Variants in PRDM16 observed in about 807,000 individuals in gnomAD.
The protein encoded by PRDM16 is PR/SET domain 16.
PRDM16 carries 23 observed loss-of-function variants against 110.6 expected under a neutral mutation model. The ratio of observed to expected loss-of-function variants is 0.21; its 90% confidence interval spans 0.15 to 0.29. The LOEUF (loss-of-function observed/expected upper bound fraction) is 0.29, where lower values mean the gene tolerates loss of function less well. PRDM16 is among the 10% of genes least tolerant of loss of function. The pLI is 1.00. For synonymous variants in PRDM16, 799 were observed against 781.8 expected (o/e 1.02, Z -0.37); for missense variants, 1,615 against 1,794.3 (o/e 0.90, Z 1.81).
At chr1:3,326,501 G>A (rs1641912653) in intron 3 of PRDM16, among the ~76,000 whole-genome samples, 1 of 152,184 alleles carries the variant, frequency 6.6e-6, no homozygotes. Context: ...GCCAGACTTG[G>A]TGGGAGCTGA....
chr1:3,406,598 C>T (rs1189247186), intron 8 of PRDM16, among the ~76,000 whole-genome samples: 2 of 151,894 alleles, frequency 1.3e-5, no homozygotes, highest in East Asian at 3.9e-4. Flanking sequence ...TTTAATTAGC[C>T]AACCACGGTA....
At chr1:3,154,444 T>G (rs1643828682) in intron 1 of PRDM16, among the ~76,000 whole-genome samples, 1 of 152,170 alleles carries the variant, frequency 6.6e-6, no homozygotes, top group Non-Finnish European at 1.5e-5. Context: ...GGAGGCGTTG[T>G]CAGGACGGCC....
At chr1:3,433,530 C>CCTGTG (rs1638826765) in intron 16 of PRDM16, 147 bp from the exon 17 acceptor site, 3 of 565,764 alleles carry the variant, frequency 5.3e-6, no homozygotes, top group East Asian at 3.5e-5. Context: ...ACCTGCCTGT[C>CCTGTG]TGGGATGGCC....
chr1:3,368,683 C>G (rs1050287409), intron 3 of PRDM16, among the ~76,000 whole-genome samples: 1 of 152,216 alleles, frequency 6.6e-6, no homozygotes, highest in African/African-American at 2.4e-5. Context: ...GCTTTAAATT[C>G]AGCAGGATTT....
In PRDM16 at chr1:3,156,549, C is replaced by T. The variant is rs1643861941; in HGVS notation, c.38-29576C>T. On this transcript the variant is annotated intron_variant, in intron 1 of 16. Coordinates refer to ENST00000270722, the MANE Select transcript of PRDM16 (RefSeq NM_022114.4). ...GGGGTTTTGTTTGCTGTCACCCCTC[C>T]TCCTGGTAGAGGCAGGAGCTATGCA... Among the ~76,000 whole-genome samples the T allele has an allele frequency of 3.3e-5, 5 of 152,320 alleles. No individual in the cohort carries two copies. In the South Asian group the frequency reaches 1.0e-3, roughly 32 times the overall value.
rs537834903 is a variant in PRDM16, at chr1:3,208,979, G to A, written c.387+22505G>A. Reference sequence around the variant, plus strand: ...CCACATCAAGGGAGTGACTTGCTCCGTCTGTCATGTAGTGACCACCTGCTT... The same window carrying A: ...CCACATCAAGGGAGTGACTTGCTCCATCTGTCATGTAGTGACCACCTGCTT... On this transcript the variant is annotated intron_variant, in intron 2 of 16. Transcript: ENST00000270722. The surrounding 1 kb of genome is among the most constrained non-coding windows in gnomAD (Gnocchi z 6.1). Among the ~76,000 whole-genome samples the A allele has an allele frequency of 9.8e-5, 15 of 152,288 alleles. No homozygotes were observed. Among genetic ancestry groups the A allele is most frequent in the African/African-American group, 1.7e-4 (7 of 41,548 alleles).
At chr1:3,146,230 C>G (rs1190446448) in intron 1 of PRDM16, among the ~76,000 whole-genome samples, 4 of 152,240 alleles carry the variant, frequency 2.6e-5, no homozygotes, top group Admixed American at 2.6e-4. Context: ...AACGGGGGGG[C>G]CCGCTAACCA....
intron 1 of PRDM16, among the ~76,000 whole-genome samples, chr1:3,129,071 T>G (rs961972779): frequency 4.6e-5 from 7 of 151,956 alleles, no homozygotes; most frequent in African/African-American, 1.5e-4. Flanking sequence ...GGGGGTTGCG[T>G]GTGCATGTGT....
intron 3 of PRDM16, among the ~76,000 whole-genome samples, chr1:3,306,337 G>A (rs550649301): frequency 2.0e-5 from 3 of 152,302 alleles, no homozygotes; most frequent in Admixed American, 2.0e-4. Flanking sequence ...ATTTAAGGAG[G>A]CCAAGACACA....
chr1:3,383,863 CAGGACACACCTGCAGA>C (rs1643149832), intron 3 of PRDM16, among the ~76,000 whole-genome samples: 1 of 150,974 alleles, frequency 6.6e-6, no homozygotes, highest in African/African-American at 2.4e-5. Flanking sequence ...ACCTGCCCAC[CAGGACACACCTGCAGA>C]AGGACACACC....
Position 3,434,856 on chromosome 1 carries a change from C to A in PRDM16, c.*1045C>A. On this transcript the variant is annotated 3_prime_UTR_variant, in exon 17 of 17. Transcript: ENST00000270722. ...TCCTCTGAAGGCAGGGCCTTGGCCA[C>A]GTCCTGGGTCTCCCACCTCCCACCT... 4.3e-6 allele frequency: 1 copy of A among 232,100 alleles called. No homozygotes were observed. Among genetic ancestry groups the A allele is most frequent in the Non-Finnish European group, 8.5e-6 (1 of 117,270 alleles). The allele number at this position is 232,100 out of a possible 1,614,324, so 14.4% of individuals were successfully genotyped here. A position where few individuals can be genotyped will look rare whatever the true frequency, so the allele number is the denominator to read the frequency against.
chr1:3,197,318 C>T (rs1044493672), intron 2 of PRDM16, among the ~76,000 whole-genome samples: 20 of 152,214 alleles, frequency 1.3e-4, no homozygotes, highest in African/African-American at 4.6e-4. Flanking sequence ...CAGCTGTGAG[C>T]AGGGCAGGCC....
Position 3,426,093 on chromosome 1 carries a change from G to A in PRDM16, c.3152G>A (p.Ser1051Asn). Residue 1051 changes from serine (S) to asparagine (N), a missense_variant, in exon 14 of 17, where the codon AGC becomes AAC. Around this residue, in one of 5 missense-constraint regions of PRDM16, gnomAD observed 327 missense variants for 359.3 expected, o/e 0.91. Coordinates refer to ENST00000270722, the MANE Select transcript of PRDM16 (RefSeq NM_022114.4). ...PGVLTNHLGT[S>N]ASSPTSESDN... is the part of the protein sequence containing the mutation. ...GTCCTCACGAACCACCTGGGGACCA[G>A]CGCGTCCTCTCCCACCTCAGAGTCG... 2 of 1,613,922 alleles carry A rather than the reference G, an allele frequency of 1.2e-6. No homozygotes were observed. The highest frequency in any genetic ancestry group is 1.7e-6 in the Non-Finnish European group (2 of 1,179,986).
intron 3 of PRDM16, among the ~76,000 whole-genome samples, chr1:3,355,610 G>A (rs1483400155): frequency 6.6e-6 from 1 of 152,142 alleles, no homozygotes; most frequent in Admixed American, 6.5e-5. Flanking sequence ...CCGCTCGACG[G>A]TGGGTGCTCT....
At chr1:3,411,112 T>A (rs1569726072) in intron 8 of PRDM16, among the ~76,000 whole-genome samples, 1 of 152,276 alleles carries the variant, frequency 6.6e-6, no homozygotes, top group South Asian at 2.1e-4. Flanking sequence ...ACACGCACGC[T>A]TGCAGAATAC....
chr1:3,114,214 C>A (rs1642875572), intron 1 of PRDM16, among the ~76,000 whole-genome samples: 1 of 131,892 alleles, frequency 7.6e-6, no homozygotes, highest in Non-Finnish European at 1.6e-5. Flanking sequence ...CACACACGCA[C>A]ACGAACACAC....
chr1:3,365,239 C>A (rs375326144), intron 3 of PRDM16, among the ~76,000 whole-genome samples: 9 of 152,194 alleles, frequency 5.9e-5, no homozygotes, highest in Admixed American at 3.9e-4. Context: ...TGCCGCCGTC[C>A]TCCTCTGCCA....
At chr1:3,329,270 G>T (rs867308135) in intron 3 of PRDM16, among the ~76,000 whole-genome samples, 28 of 152,360 alleles carry the variant, frequency 1.8e-4, no homozygotes, top group African/African-American at 5.5e-4. Context: ...TAGGGCAGGA[G>T]GCAGAAATGC....
intron 3 of PRDM16, among the ~76,000 whole-genome samples, chr1:3,373,049 C>T (rs968728844): frequency 1.3e-5 from 2 of 152,286 alleles, no homozygotes; most frequent in African/African-American, 2.4e-5. Flanking sequence ...AAACTCTCAC[C>T]GCCGCAGGAC....
Sources: gnomAD v4.1 joint callset for allele counts (sites outside exome capture counted in the v4.1 genomes callset) on GRCh38, gnomAD v4.1.1 for gene constraint, gnomAD v4.1.1 regional missense constraint, Gnocchi (gnomAD v3.1) non-coding constraint, MANE v1.5 for transcripts, NCBI Gene and HGNC (gene_info 2026-07-23, HGNC 2026-07-21) for gene names.